Variants in ULK4 observed in about 807,000 individuals in gnomAD.
ULK4 encodes the protein inactive serine/threonine-protein kinase ULK4.
In ULK4, 133 loss-of-function variants were observed where a neutral mutation model predicts 160.6. The observed-to-expected ratio is 0.83, with a 90% CI of 0.72 to 0.96. The LOEUF is 0.96. ULK4 is among the 40% of genes least tolerant of loss of function. The pLI, the probability that ULK4 is intolerant of heterozygous loss-of-function variation, is 0.00. For synonymous variants in ULK4, 534 were observed against 539.8 expected (o/e 0.99, Z 0.15); for missense variants, 1,580 against 1,499.5 (o/e 1.05, Z -0.89).
chr3:41,931,707 A>G, intron 5 of ULK4, 137 bp downstream of exon 5: 3 of 1,078,578 alleles, frequency 2.8e-6, no homozygotes, highest in Non-Finnish European at 4.1e-6. Flanking sequence ...CTATGCCCAG[A>G]CTATGTCTGC....
chr3:41,563,444 G>A lies in ULK4; in HGVS notation c.3226+2581C>T, dbSNP rs188086336. On this transcript the variant is annotated intron_variant, in intron 32 of 36. Transcript: ENST00000301831. ...GGGAAGTTCTCCTGGATAATATCCT[G>A]AAGAGTGTTTTCCACCTTGGTTCCA... is the stretch of plus-strand genomic sequence containing the variant. 2.3e-4 allele frequency among the ~76,000 whole-genome samples: 35 copies of A among 152,292 alleles called. No individual in the cohort carries two copies. The East Asian group carries it at 6.6e-3, about 29-fold the overall frequency.
At chr3:41,252,947 A>G (rs1046255201) in intron 35 of ULK4, among the ~76,000 whole-genome samples, 2 of 152,178 alleles carry the variant, frequency 1.3e-5, no homozygotes, top group African/African-American at 4.8e-5. Context: ...AATTTGAATT[A>G]TTGTGAATTT....
At chr3:41,955,123 C>G (rs1473541520) in intron 1 of ULK4, among the ~76,000 whole-genome samples, 1 of 152,082 alleles carries the variant, frequency 6.6e-6, no homozygotes, top group East Asian at 1.9e-4. Context: ...AACCCTGTCT[C>G]TACTAAAAAT....
chr3:41,590,374 G>C (rs998055052), intron 31 of ULK4, among the ~76,000 whole-genome samples: 1 of 150,682 alleles, frequency 6.6e-6, no homozygotes, highest in Admixed American at 6.6e-5. Flanking sequence ...CCAGCACTTA[G>C]GGAGGCTGAG....
intron 5 of ULK4, among the ~76,000 whole-genome samples, chr3:41,922,543 CACA>C (rs1489047000): frequency 2.1e-5 from 3 of 145,142 alleles, no homozygotes; most frequent in Non-Finnish European, 3.0e-5. Flanking sequence ...TGAGCAGCTA[CACA>C]ACAAGTGCAG....
intron 3 of ULK4, chr3:41,936,953 G>T (rs1386005315): frequency 2.1e-5 from 4 of 191,886 alleles, no homozygotes; most frequent in Non-Finnish European, 4.2e-5. Flanking sequence ...TGAGGAAATG[G>T]ATACCCCATT....
chr3:41,789,593 G>T, intron 21 of ULK4, 68 bp downstream of exon 21: 1 of 1,404,746 alleles, frequency 7.1e-7, no homozygotes, highest in South Asian at 1.6e-5. Context: ...GACATTACTT[G>T]TGGAACCACT....
At chr3:41,765,591 C>T (rs1020309009) in intron 21 of ULK4, among the ~76,000 whole-genome samples, 2 of 151,766 alleles carry the variant, frequency 1.3e-5, no homozygotes, top group Non-Finnish European at 2.9e-5. Context: ...GTGGAAAAGA[C>T]AACACAAAGA....
At chr3:41,449,426 G>A (rs181854547) in intron 34 of ULK4, among the ~76,000 whole-genome samples, 265 of 152,264 alleles carry the variant, frequency 1.7e-3, no homozygotes, top group Non-Finnish European at 3.3e-3. Flanking sequence ...AGGCAGATGG[G>A]CGGTGGCTAC....
intron 29 of ULK4, among the ~76,000 whole-genome samples, chr3:41,665,888 T>A (rs2035335500): frequency 6.6e-6 from 1 of 152,338 alleles, no homozygotes; most frequent in East Asian, 1.9e-4. Context: ...AGTGTAATGA[T>A]TTGCTAGAAG....
chr3:41,343,860 C>T (rs896979162), intron 35 of ULK4, among the ~76,000 whole-genome samples: 8 of 152,064 alleles, frequency 5.3e-5, no homozygotes, highest in Non-Finnish European at 7.4e-5. Flanking sequence ...AGAACATGAA[C>T]AAATGAAGAA....
At chr3:41,866,077 C>A (rs538608504) in intron 17 of ULK4, among the ~76,000 whole-genome samples, 1 of 130,644 alleles carries the variant, frequency 7.7e-6, no homozygotes, top group East Asian at 2.0e-4. Context: ...CAGACAAGAA[C>A]AGACAGATGA....
At chr3:41,814,208 T>C (rs998199443) in intron 19 of ULK4, among the ~76,000 whole-genome samples, 19 of 152,212 alleles carry the variant, frequency 1.2e-4, no homozygotes, top group Admixed American at 3.9e-4. Context: ...AGGATTTATA[T>C]TGGTTGGATT....
Position 41,321,184 on chromosome 3 carries a change from GT to G in ULK4, c.3679-71611del, listed in dbSNP as rs146409972. ...GGGCCCCTTTAAAAGAAGAGAAGAGGTGTTAATTAGGGTGGTAACAGCCTCA... is the reference window on the plus strand; with the variant it reads ...GGGCCCCTTTAAAAGAAGAGAAGAGGGTTAATTAGGGTGGTAACAGCCTCA... On this transcript the variant is annotated intron_variant, in intron 35 of 36. Coordinates refer to ENST00000301831, the MANE Select transcript of ULK4 (RefSeq NM_017886.4). Among the ~76,000 whole-genome samples, 213 of 152,222 alleles carry G rather than the reference GT, an allele frequency of 1.4e-3. No individual in the cohort carries two copies. The East Asian group carries it at 0.033, about 24-fold the overall frequency.
rs2086732551 is a variant in ULK4 at position 41,542,576 on chromosome 3, A to T, written c.3226+23449T>A. Among the ~76,000 whole-genome samples the T allele has an allele frequency of 2.0e-5, 3 of 152,130 alleles. No homozygotes were observed. In the South Asian group the frequency reaches 6.2e-4, roughly 32 times the overall value. On this transcript the variant is annotated intron_variant, in intron 32 of 36. Coordinates refer to ENST00000301831, the MANE Select transcript of ULK4 (RefSeq NM_017886.4). ...GATTCTCTCTTTTTCTATTGTTTGG[A>T]ACAATTTCAGAAGGAATGGTACAAG...
At chr3:41,721,243 T>G (rs2037442291) in intron 22 of ULK4, among the ~76,000 whole-genome samples, 1 of 132,634 alleles carries the variant, frequency 7.5e-6, no homozygotes, top group Admixed American at 7.6e-5. Context: ...GATGAGAAAT[T>G]TTTCGCTTTG....
chr3:41,545,131 C>T (rs2086814201), intron 32 of ULK4, among the ~76,000 whole-genome samples: 1 of 152,108 alleles, frequency 6.6e-6, no homozygotes, highest in South Asian at 2.1e-4. Context: ...CCTCAATTCA[C>T]CTTTCTGGAA....
intron 34 of ULK4, among the ~76,000 whole-genome samples, chr3:41,430,000 A>G (rs2082866499): frequency 6.6e-6 from 1 of 152,220 alleles, no homozygotes; most frequent in South Asian, 2.1e-4. Flanking sequence ...TGAAAAATAC[A>G]TGAAATCCTC....
At chr3:41,643,098 G>C (rs1207263122) in intron 30 of ULK4, among the ~76,000 whole-genome samples, 2 of 152,056 alleles carry the variant, frequency 1.3e-5, no homozygotes, top group African/African-American at 4.8e-5. Context: ...TTAGCCCTTT[G>C]TCAGATGAGT....
Sources: gnomAD v4.1 joint callset for allele counts (sites outside exome capture counted in the v4.1 genomes callset) on GRCh38, gnomAD v4.1.1 for gene constraint, MANE v1.5 for transcripts, NCBI Gene and HGNC (gene_info 2026-07-23, HGNC 2026-07-21) for gene names.